The following EIPR1 variants were observed in gnomAD, a reference collection of about 807,000 sequenced individuals.
EIPR1 encodes EARP complex and GARP complex interacting protein 1, also known as EARP and GARP complex-interacting protein 1.
Under a neutral mutation model 48.1 loss-of-function variants are expected in EIPR1, and 25 were observed. That is an observed-to-expected ratio of 0.52 (90% confidence interval 0.38 to 0.73). EIPR1 has a LOEUF of 0.73. Ranked by LOEUF, EIPR1 falls within the 30% of genes least tolerant of loss-of-function variation. The pLI, the probability that EIPR1 is intolerant of heterozygous loss-of-function variation, is 0.00. For synonymous variants in EIPR1, 204 were observed against 201.9 expected, an observed-to-expected ratio of 1.01 and a Z score of -0.09; for missense variants, 415 against 506.2, an observed-to-expected ratio of 0.82 and a Z score of 1.73.
chr2:3,247,126 C>T (rs1394144643), intron 4 of EIPR1, among the ~76,000 whole-genome samples: 1 of 150,010 alleles, frequency 6.7e-6, no homozygotes, highest in African/African-American at 2.5e-5. Flanking sequence ...CACTGTCATT[C>T]ACTTCACTCC....
chr2:3,341,939 A>G (rs1670263533), intron 2 of EIPR1, among the ~76,000 whole-genome samples: 1 of 152,198 alleles, frequency 6.6e-6, no homozygotes, highest in South Asian at 2.1e-4. Context: ...AAAAATGAGA[A>G]TTTCATCATA....
At chr2:3,326,679 G>C (rs1481826297) in intron 3 of EIPR1, among the ~76,000 whole-genome samples, 1 of 152,124 alleles carries the variant, frequency 6.6e-6, no homozygotes. Context: ...TTCACTTCCA[G>C]GACACTGCAG....
chr2:3,366,995 A>C (rs184168909), intron 1 of EIPR1, among the ~76,000 whole-genome samples: 1 of 152,264 alleles, frequency 6.6e-6, no homozygotes, highest in Non-Finnish European at 1.5e-5. Flanking sequence ...CAGTGAGCCA[A>C]GATTGCGCCA....
chr2:3,345,398 G>A (rs1236650139), intron 2 of EIPR1, among the ~76,000 whole-genome samples: 7 of 151,068 alleles, frequency 4.6e-5, no homozygotes, highest in African/African-American at 1.7e-4. Context: ...GGTGAGGTGG[G>A]TGGATCACCT....
intron 3 of EIPR1, among the ~76,000 whole-genome samples, chr2:3,327,525 C>G (rs1558300840): frequency 6.6e-6 from 1 of 152,166 alleles, no homozygotes; most frequent in East Asian, 1.9e-4. Flanking sequence ...TACTTAAGGT[C>G]TGCAACATGA....
intron 1 of EIPR1, among the ~76,000 whole-genome samples, chr2:3,364,863 A>AAT (rs745601119): frequency 1.3e-5 from 2 of 152,206 alleles, no homozygotes; most frequent in Admixed American, 6.5e-5. Context: ...AAAGTTGGTT[A>AAT]ATAGGTACAA....
At chr2:3,277,168 A>G (rs1448795367) in intron 3 of EIPR1, among the ~76,000 whole-genome samples, 1 of 152,130 alleles carries the variant, frequency 6.6e-6, no homozygotes, top group Admixed American at 6.5e-5. Flanking sequence ...ACAGAAATCC[A>G]GGAGCCTCTC....
At chr2:3,252,794 C>T (rs1667041881) in intron 4 of EIPR1, among the ~76,000 whole-genome samples, 4 of 152,118 alleles carry the variant, frequency 2.6e-5, no homozygotes, top group South Asian at 2.1e-4. Flanking sequence ...CCAGGGCTGG[C>T]GGGGACCTGA....
Position 3,214,182 on chromosome 2 carries a change from C to T in EIPR1, c.483G>A (p.Leu161=). The T allele has an allele frequency of 6.2e-7, 1 of 1,613,930 alleles. No homozygotes were observed. Among genetic ancestry groups the T allele is most frequent in the East Asian group, 2.2e-5 (1 of 44,884 alleles). The change falls in exon 5 of 9, where the codon CTG becomes CTA. Residue 161 remains leucine, a synonymous_variant. Transcript: ENST00000382125. ...GGCTCGAGCTTTCCTGTAAATCCCACAGCAGGATATGGTTATCAGCCAAGG... is the reference window on the plus strand; with the variant it reads ...GGCTCGAGCTTTCCTGTAAATCCCATAGCAGGATATGGTTATCAGCCAAGG... The part of the protein sequence containing the change: ...IISLADNHIL[L]WDLQESSSQA...
At chr2:3,360,458 G>T (rs1297818086) in intron 1 of EIPR1, among the ~76,000 whole-genome samples, 1 of 151,338 alleles carries the variant, frequency 6.6e-6, no homozygotes, top group Non-Finnish European at 1.5e-5. Context: ...TTCTCACAAA[G>T]CCAAATTTCT....
intron 3 of EIPR1, among the ~76,000 whole-genome samples, chr2:3,268,182 C>T (rs1667550330): frequency 6.6e-6 from 1 of 152,078 alleles, no homozygotes; most frequent in Admixed American, 6.5e-5. Flanking sequence ...GACTGGCACC[C>T]CAAGGCTTCC....
At chr2:3,326,726 C>T (rs1299958959) in intron 3 of EIPR1, among the ~76,000 whole-genome samples, 1 of 152,216 alleles carries the variant, frequency 6.6e-6, no homozygotes, top group Non-Finnish European at 1.5e-5. Context: ...TTTAGCTGCT[C>T]AGTTGTCATT....
intron 3 of EIPR1, chr2:3,320,374 A>C: frequency 6.3e-6 from 1 of 159,966 alleles, no homozygotes; most frequent in Non-Finnish European, 1.4e-5. Context: ...GCGGGCAGGA[A>C]AACACCACAC....
intron 5 of EIPR1, chr2:3,208,752 T>C: frequency 6.5e-7 from 1 of 1,547,916 alleles, no homozygotes; most frequent in South Asian, 1.2e-5. Context: ...CTTCTGTGAG[T>C]GAGGCCCGTG....
intron 4 of EIPR1, among the ~76,000 whole-genome samples, chr2:3,232,272 T>C (rs768107037): frequency 4.6e-5 from 7 of 152,230 alleles, no homozygotes; most frequent in Non-Finnish European, 8.8e-5. Context: ...AGTTTTGATA[T>C]TTCAATTGCT....
intron 3 of EIPR1, among the ~76,000 whole-genome samples, chr2:3,318,701 A>G (rs1669394006): frequency 6.6e-6 from 1 of 152,198 alleles, no homozygotes; most frequent in African/African-American, 2.4e-5. Context: ...CTCATTCTGC[A>G]ATGCTCAGCT....
At chr2:3,220,156 G>C (rs890705342) in intron 4 of EIPR1, among the ~76,000 whole-genome samples, 4 of 152,180 alleles carry the variant, frequency 2.6e-5, no homozygotes, top group African/African-American at 9.7e-5. Flanking sequence ...TGTCTTCCAC[G>C]AAACTGGTCC....
chr2:3,340,654 T>G (rs529847100), intron 2 of EIPR1, among the ~76,000 whole-genome samples: 29 of 152,338 alleles, frequency 1.9e-4, no homozygotes, highest in Non-Finnish European at 2.9e-4. Context: ...AGAAAAACAT[T>G]TGGCAGAAAC....
intron 3 of EIPR1, among the ~76,000 whole-genome samples, chr2:3,262,567 G>A (rs1667366695): frequency 6.6e-6 from 1 of 152,220 alleles, no homozygotes; most frequent in African/African-American, 2.4e-5. Context: ...GGGCACTACA[G>A]CAAGATCAGG....
Sources: gnomAD v4.1 joint callset for allele counts (sites outside exome capture counted in the v4.1 genomes callset) on GRCh38, gnomAD v4.1.1 for gene constraint, MANE v1.5 for transcripts, NCBI Gene and HGNC (gene_info 2026-07-23, HGNC 2026-07-21) for gene names.